The following NELL1 variants were observed in gnomAD, a reference collection of about 807,000 sequenced individuals.
NELL1 encodes protein kinase C-binding protein NELL1.
A neutral mutation model predicts 107.4 loss-of-function variants in NELL1; 76 were observed. The ratio of observed to expected loss-of-function variants is 0.71; its 90% confidence interval spans 0.59 to 0.86. The LOEUF is 0.86. Ranked by LOEUF, NELL1 falls within the 40% of genes least tolerant of loss-of-function variation. NELL1 has a pLI of 0.00. For synonymous variants in NELL1, 353 were observed against 341.2 expected (o/e 1.03, Z -0.38); for missense variants, 1,024 against 1,005.5 (o/e 1.02, Z -0.25).
At chr11:21,306,647 A>C (rs1280487884) in intron 14 of NELL1, among the ~76,000 whole-genome samples, 4 of 152,062 alleles carry the variant, frequency 2.6e-5, no homozygotes, top group Non-Finnish European at 5.9e-5. Context: ...AACTCTCATC[A>C]ACTTCACCTA....
At chr11:21,242,663 TA>T (rs2133900232) in intron 14 of NELL1, among the ~76,000 whole-genome samples, 1 of 152,090 alleles carries the variant, frequency 6.6e-6, no homozygotes, top group East Asian at 1.9e-4. Context: ...ACGTAAAAAT[TA>T]CTGTGAATAT....
intron 14 of NELL1, among the ~76,000 whole-genome samples, chr11:21,359,685 T>C (rs1285853601): frequency 6.6e-6 from 1 of 152,208 alleles, no homozygotes; most frequent in Non-Finnish European, 1.5e-5. Context: ...TAATTGTTAT[T>C]GGTTTGTTCT....
chr11:20,712,667 G>A (rs1484959309), intron 2 of NELL1, among the ~76,000 whole-genome samples: 1 of 152,234 alleles, frequency 6.6e-6, no homozygotes, highest in African/African-American at 2.4e-5. Flanking sequence ...CCCATGGGGT[G>A]ATCCCTTGAT....
At chr11:20,998,950 A>G (rs558106529) in intron 12 of NELL1, among the ~76,000 whole-genome samples, 2 of 152,314 alleles carry the variant, frequency 1.3e-5, no homozygotes, top group South Asian at 4.1e-4. Flanking sequence ...ACGAAGGGTG[A>G]CTTCTACCAT....
intron 15 of NELL1, among the ~76,000 whole-genome samples, chr11:21,431,945 C>T (rs1852976891): frequency 6.6e-6 from 1 of 152,110 alleles, no homozygotes; most frequent in African/African-American, 2.4e-5. Context: ...GGGCTATTTT[C>T]CTTACTGCTC....
At chr11:21,169,709 TC>T in intron 13 of NELL1, 4 of 689,726 alleles carry the variant, frequency 5.8e-6, no homozygotes, top group Admixed American at 3.0e-5. Context: ...AATTCCTTGG[TC>T]ATCTTTTGGC....
chr11:20,692,025 G>T (rs1295288401), intron 2 of NELL1, among the ~76,000 whole-genome samples: 21 of 150,504 alleles, frequency 1.4e-4, no homozygotes, highest in South Asian at 4.3e-4. Flanking sequence ...GAGTGTATGT[G>T]TCGAGGAATT....
intron 14 of NELL1, among the ~76,000 whole-genome samples, chr11:21,289,268 C>A (rs1007697028): frequency 1.3e-5 from 2 of 152,344 alleles, no homozygotes; most frequent in East Asian, 3.9e-4. Context: ...CCAGCAAGAT[C>A]AATGCAGAAG....
intron 12 of NELL1, among the ~76,000 whole-genome samples, chr11:20,963,366 T>C (rs1314964588): frequency 1.3e-5 from 2 of 152,086 alleles, no homozygotes; most frequent in African/African-American, 2.4e-5. Flanking sequence ...TCTAGACCGA[T>C]GTTTGAGAAA....
intron 15 of NELL1, among the ~76,000 whole-genome samples, chr11:21,498,348 C>CAT (rs36022880): frequency 0.63 from 89,905 of 142,806 alleles, 30,225 homozygotes; most frequent in Non-Finnish European, 0.77. Context: ...TATATATATA[C>CAT]ATATATATAT....
In NELL1 at chr11:21,107,632, C is replaced by T. The variant is rs373090538; in HGVS notation, c.1301-5957C>T. Among the ~76,000 whole-genome samples the T allele has an allele frequency of 2.0e-4, 31 of 152,160 alleles. No individual in the cohort carries two copies. The South Asian group carries it at 6.2e-3, about 31-fold the overall frequency. On this transcript the variant is annotated intron_variant, in intron 12 of 19. Coordinates refer to ENST00000357134, the MANE Select transcript of NELL1 (RefSeq NM_006157.5). Reference sequence around the variant, plus strand: ...GTCATCTAGATAGTATTTTCCTGGACCTGTATCTTGGGAAAGGCATCTGGA... The same window carrying T: ...GTCATCTAGATAGTATTTTCCTGGATCTGTATCTTGGGAAAGGCATCTGGA...
At chr11:21,118,049 G>A (rs1204111300) in intron 13 of NELL1, among the ~76,000 whole-genome samples, 2 of 152,048 alleles carry the variant, frequency 1.3e-5, no homozygotes, top group Non-Finnish European at 2.9e-5. Flanking sequence ...AGTAGCTGTT[G>A]ATTAGGATAA....
At chr11:21,467,055 A>G (rs898152352) in intron 15 of NELL1, among the ~76,000 whole-genome samples, 20 of 152,060 alleles carry the variant, frequency 1.3e-4, no homozygotes, top group Admixed American at 1.2e-3. Context: ...AACAACTGGG[A>G]TAATTGAAGG....
chr11:21,533,575 G>C (rs187264090), intron 15 of NELL1, among the ~76,000 whole-genome samples: 31 of 152,260 alleles, frequency 2.0e-4, no homozygotes, highest in African/African-American at 7.5e-4. Flanking sequence ...CAGAGGCAAG[G>C]CTTTGTGCTA....
In NELL1 at chr11:21,504,632, C is replaced by T. The variant is rs562262569; in HGVS notation, c.1646-29742C>T. Among the ~76,000 whole-genome samples the T allele has an allele frequency of 1.9e-4, 29 of 152,236 alleles. 1 individual carries two copies. In the South Asian group the frequency reaches 6.0e-3, roughly 32 times the overall value. On this transcript the variant is annotated intron_variant, in intron 15 of 19. Transcript: ENST00000357134. ...TTAAAATTTCTTAAGGTCTTCATTC[C>T]TATCTTGCTCCTGATTACATACATT...
chr11:20,847,577 A>C lies in NELL1; in HGVS notation c.336-6A>C. The stretch of plus-strand genomic sequence containing the variant: ...ATAAAACAAATGTTTGTTCCTTTAC[A>C]TACAGCTATTTTGAACTGGAGAGCA... On this transcript the variant is annotated splice_region_variant and splice_polypyrimidine_tract_variant and intron_variant, in intron 3 of 19. Coordinates refer to ENST00000357134, the MANE Select transcript of NELL1 (RefSeq NM_006157.5). The C allele has an allele frequency of 6.2e-7, 1 of 1,611,540 alleles. No individual in the cohort carries two copies. Among genetic ancestry groups the C allele is most frequent in the Non-Finnish European group, 8.5e-7 (1 of 1,178,780 alleles).
At chr11:21,509,730 T>G (rs148483135) in intron 15 of NELL1, among the ~76,000 whole-genome samples, 1 of 152,198 alleles carries the variant, frequency 6.6e-6, no homozygotes, top group African/African-American at 2.4e-5. Flanking sequence ...CAGATAGACA[T>G]GAAAAGACGT....
chr11:20,954,589 T>G (rs1792606776), intron 11 of NELL1, among the ~76,000 whole-genome samples: 1 of 152,178 alleles, frequency 6.6e-6, no homozygotes, highest in Admixed American at 6.5e-5. Context: ...AATTATGTGG[T>G]GCTGCAGCCC....
intron 14 of NELL1, among the ~76,000 whole-genome samples, chr11:21,271,575 CA>C (rs1848740261): frequency 6.6e-6 from 1 of 152,192 alleles, no homozygotes; most frequent in African/African-American, 2.4e-5. Context: ...AAATTCTCCA[CA>C]ATCTCTTCCA....
Sources: allele counts gnomAD v4.1 joint callset (sites outside exome capture counted in the v4.1 genomes callset), GRCh38; gene constraint gnomAD v4.1.1; transcripts MANE v1.5; gene names NCBI Gene and HGNC (gene_info 2026-07-23, HGNC 2026-07-21).